The following PLIN5 variants were observed in gnomAD, a reference collection of about 807,000 sequenced individuals.
PLIN5 encodes perilipin-5.
PLIN5 carries 34 observed loss-of-function variants against 32.8 expected under a neutral mutation model. The observed-to-expected ratio is 1.04, with a 90% CI of 0.79 to 1.38. The LOEUF is 1.38. Ranked by LOEUF, PLIN5 falls within the 40% of genes most tolerant of loss-of-function variation. PLIN5 has a pLI of 0.00. For missense variants in PLIN5, 712 were observed against 660.5 expected (o/e 1.08, Z -0.85); for synonymous variants, 309 against 292.9 (o/e 1.05, Z -0.56).
At chr19:4,524,185 G>A (rs1373581513) in intron 7 of PLIN5, 100 bp from the exon 8 acceptor site, 1 of 1,203,612 alleles carries the variant, frequency 8.3e-7, no homozygotes, top group Non-Finnish European at 1.1e-6. Context: ...CTGTCAACCT[G>A]TCTCATAGAC....
chr19:4,529,722 C>CAA, intron 4 of PLIN5, 62 bp downstream of exon 4: 1 of 1,316,442 alleles, frequency 7.6e-7, no homozygotes, highest in Non-Finnish European at 1.1e-6. Context: ...TCCCTCCCTC[C>CAA]CTCCCGCCTC....
At chr19:4,532,352 C>G (rs1057359196) in intron 2 of PLIN5, 1 of 152,486 alleles carries the variant, frequency 6.6e-6, no homozygotes. Flanking sequence ...CCACCATACC[C>G]GTTTTTTTTG....
At chr19:4,528,975 G>T in intron 5 of PLIN5, 98 bp downstream of exon 5, 1 of 1,304,324 alleles carries the variant, frequency 7.7e-7, no homozygotes, top group Non-Finnish European at 1.0e-6. Context: ...CTGATCTGCT[G>T]TGTGACCTTG....
At chr19:4,534,723 T>C (rs546711448) in intron 1 of PLIN5, among the ~76,000 whole-genome samples, 2 of 152,258 alleles carry the variant, frequency 1.3e-5, no homozygotes, top group East Asian at 3.9e-4. Context: ...CTTCCTGTTT[T>C]GTAAGATGTG....
chr19:4,523,008 G>A lies in PLIN5; in HGVS notation c.*520C>T, dbSNP rs13344467. The A allele has an allele frequency of 0.035, 5,340 of 152,510 alleles. 323 individuals are homozygous for A. The highest frequency in any genetic ancestry group is 0.12 in the African/African-American group (5,088 of 41,524). The allele number at this position is 152,510 out of a possible 1,614,324, so 9.4% of individuals were successfully genotyped here. A position where few individuals can be genotyped will look rare whatever the true frequency, so the allele number is the denominator to read the frequency against. On this transcript the variant is annotated 3_prime_UTR_variant, in exon 8 of 8. Coordinates refer to ENST00000381848, the MANE Select transcript of PLIN5 (RefSeq NM_001013706.3). The surrounding 1 kb of genome is among the most constrained non-coding windows in gnomAD (Gnocchi z 5.0). Reference sequence around the variant, plus strand: ...GCTCACTGCAAGCTCCGCGCCTCTCGGGTTTAAGCAATTCTTCTGCGTCAG... The same window carrying A: ...GCTCACTGCAAGCTCCGCGCCTCTCAGGTTTAAGCAATTCTTCTGCGTCAG...
rs1224909188 is a variant in PLIN5 at position 4,525,068 on chromosome 19, G to A, written c.729C>T (p.His243=). The change falls in exon 7 of 8, where the codon CAC becomes CAT. Residue 243 remains histidine, a synonymous_variant. Coordinates refer to ENST00000381848, the MANE Select transcript of PLIN5 (RefSeq NM_001013706.3). The surrounding 1 kb of genome is among the most constrained non-coding windows in gnomAD (Gnocchi z 5.6). ...CGGTGGGGGTCACCCCACACTGCAT[G>A]TGGTCTATCTGCAAGGACAGAAATG... The part of the protein sequence containing the change: ...QLQETLELID[H]MQCGVTPTAP... 8.5e-6 allele frequency: 12 copies of A among 1,416,940 alleles called. No homozygotes were observed. Among genetic ancestry groups the A allele is most frequent in the Non-Finnish European group, 1.0e-5 (11 of 1,083,060 alleles). The allele number at this position is 1,416,940 out of a possible 1,614,324, so 87.8% of individuals were successfully genotyped here. A position where few individuals can be genotyped will look rare whatever the true frequency, so the allele number is the denominator to read the frequency against.
Position 4,523,749 on chromosome 19 carries a change from C to T in PLIN5, c.1171G>A (p.Asp391Asn), listed in dbSNP as rs772027013. 5 of 1,600,518 alleles carry T rather than the reference C, an allele frequency of 3.1e-6. No individual in the cohort carries two copies. The highest frequency in any genetic ancestry group is 1.3e-5 in the African/African-American group (1 of 75,008). Reference protein sequence around the residue: ...ILVERPEPLPDLADLVDEVIG... With the variant: ...ILVERPEPLPNLADLVDEVIG... ...ACCTCGTCCACCAGGTCCGCCAGGTCGGGCAGGGGCTCGGGTCGCTCCACA... is the reference window on the plus strand; with the variant it reads ...ACCTCGTCCACCAGGTCCGCCAGGTTGGGCAGGGGCTCGGGTCGCTCCACA... The change falls in exon 8 of 8, where the codon GAC (aspartate) becomes AAC (asparagine). Residue 391 changes from aspartate (D) to asparagine (N), a missense_variant. Physicochemically the swap from Asp to Asn is conservative, Grantham distance 23. Transcript: ENST00000381848. The surrounding 1 kb of genome is among the most constrained non-coding windows in gnomAD (Gnocchi z 5.0).
At chr19:4,533,938 T>G in intron 2 of PLIN5, 77 bp downstream of exon 2, 1 of 1,501,966 alleles carries the variant, frequency 6.7e-7, no homozygotes, top group African/African-American at 1.4e-5. Context: ...GCGGGATACC[T>G]GGCCTGAAAC....
intron 2 of PLIN5, 141 bp downstream of exon 2, chr19:4,533,874 C>G (rs1354998137): frequency 4.0e-6 from 4 of 995,954 alleles, no homozygotes; most frequent in East Asian, 2.6e-5. Flanking sequence ...ACCATCCCCT[C>G]CATGGACCAA....
intron 5 of PLIN5, among the ~76,000 whole-genome samples, chr19:4,527,397 G>C: frequency 6.6e-6 from 1 of 151,786 alleles, no homozygotes; most frequent in Non-Finnish European, 1.5e-5. Flanking sequence ...AAATCAGCCA[G>C]ATGTGGTGGT....
At chr19:4,527,886 A>G (rs1263189587) in intron 5 of PLIN5, among the ~76,000 whole-genome samples, 2 of 151,208 alleles carry the variant, frequency 1.3e-5, no homozygotes, top group African/African-American at 2.4e-5. Flanking sequence ...CCTGGCACAC[A>G]AGAAGTGCCT....
chr19:4,528,589 T>C (rs1466743826), intron 5 of PLIN5: 2 of 152,418 alleles, frequency 1.3e-5, no homozygotes, highest in East Asian at 1.9e-4. Context: ...TTTGTATTTT[T>C]AGTAGAGACG....
At chr19:4,534,495 C>G (rs995810998) in intron 1 of PLIN5, among the ~76,000 whole-genome samples, 1 of 152,216 alleles carries the variant, frequency 6.6e-6, no homozygotes, top group African/African-American at 2.4e-5. Flanking sequence ...GCTTCAGCCT[C>G]CCAGTTAGCT....
At position 4,529,864 on chromosome 19, in the gene PLIN5, C is replaced by A; in HGVS notation, c.259G>T (p.Ala87Ser). The change falls in exon 4 of 8, where the codon GCC becomes TCC. Residue 87 changes from alanine (A) to serine (S), a missense_variant and splice_region_variant. Ala to Ser is a moderately conservative substitution (Grantham distance 99). Coordinates refer to ENST00000381848, the MANE Select transcript of PLIN5 (RefSeq NM_001013706.3). ...PLLEHLQPQL[A>S]TMNSLACRGL... ...CTGCAGGCGAGGCTGTTCATAGTGG[C>A]CACTGAAGGGAGAGAGGCGGGGAGT... The A allele has an allele frequency of 6.3e-7, 1 of 1,597,552 alleles. No individual in the cohort carries two copies. Among genetic ancestry groups the A allele is most frequent in the Non-Finnish European group, 8.6e-7 (1 of 1,168,718 alleles).
At position 4,531,719 on chromosome 19, in the gene PLIN5, G is replaced by A. The variant is rs897975377; in HGVS notation, c.164C>T (p.Ser55Phe). 4 of 1,589,582 alleles carry A rather than the reference G, an allele frequency of 2.5e-6. No homozygotes were observed. Among genetic ancestry groups the A allele is most frequent in the South Asian group, 2.3e-5 (2 of 87,410 alleles). Residue 55 changes from serine to phenylalanine, a missense_variant, in exon 3 of 8, where the codon TCC becomes TTC. By Grantham distance (155) the Ser-to-Phe change is radical. Coordinates refer to ENST00000381848, the MANE Select transcript of PLIN5 (RefSeq NM_001013706.3). The stretch of plus-strand genomic sequence containing the variant: ...GCAGTTCTCAGCCAGGCGGCAGGCG[G>A]AGCCCAGCAGCGGGTGCCTGTCCTT... ...AAKDRHPLLG[S>F]ACRLAENCVC... is the part of the protein sequence containing the mutation.
intron 5 of PLIN5, among the ~76,000 whole-genome samples, chr19:4,526,957 C>A (rs889058358): frequency 6.6e-6 from 1 of 151,096 alleles, no homozygotes; most frequent in South Asian, 2.1e-4. Flanking sequence ...ATATCATAGT[C>A]CAGGCACAGC....
chr19:4,534,314 T>C, intron 1 of PLIN5: 1 of 574,520 alleles, frequency 1.7e-6, no homozygotes, highest in South Asian at 2.2e-5. Flanking sequence ...CCGGAGTGAC[T>C]CGAAGCATGG....
At chr19:4,533,868 T>TC in intron 2 of PLIN5, 147 bp downstream of exon 2, 1 of 883,656 alleles carries the variant, frequency 1.1e-6, no homozygotes. Flanking sequence ...AAATAGACCA[T>TC]CCCCTCCATG....
Position 4,531,649 on chromosome 19 carries a change from C to T in PLIN5, c.234G>A (p.Leu78=). ...TTRALDHAQP[L]LEHLQPQLAT... is the part of the protein sequence containing the mutation. ...CACGCTGGGGCTGCAGGTGCTCGAG[C>T]AGCGGCTGGGCGTGGTCCAGGGCAC... The change falls in exon 3 of 8, where the codon CTG becomes CTA. Residue 78 remains leucine (L), a synonymous_variant. Coordinates refer to ENST00000381848, the MANE Select transcript of PLIN5 (RefSeq NM_001013706.3). 6.5e-7 allele frequency: 1 copy of T among 1,529,162 alleles called. No individual in the cohort carries two copies. The highest frequency in any genetic ancestry group is 8.8e-7 in the Non-Finnish European group (1 of 1,140,300). 94.7% of individuals were successfully genotyped at this position (1,529,162 alleles called of 1,614,324 possible). A position where few individuals can be genotyped will look rare whatever the true frequency, so the allele number is the denominator to read the frequency against.
Sources: allele counts gnomAD v4.1 joint callset (sites outside exome capture counted in the v4.1 genomes callset), GRCh38; gene constraint gnomAD v4.1.1; non-coding constraint Gnocchi (gnomAD v3.1); transcripts MANE v1.5; gene names NCBI Gene and HGNC (gene_info 2026-07-23, HGNC 2026-07-21).